The following GNL3L variants were observed in gnomAD, a reference collection of about 807,000 sequenced individuals.
The protein encoded by GNL3L is G protein nucleolar 3 like, also known as guanine nucleotide-binding protein-like 3-like protein.
GNL3L carries 4 observed loss-of-function variants against 42.9 expected under a neutral mutation model. The observed-to-expected ratio is 0.09, with a 90% confidence interval of 0.05 to 0.21. The LOEUF is 0.21. GNL3L is among the 10% of genes least tolerant of loss of function. The pLI is 1.00. For missense variants in GNL3L, 412 were observed against 481.7 expected, an observed-to-expected ratio of 0.86 and a Z score of 1.36; for synonymous variants, 159 against 176.3, an observed-to-expected ratio of 0.90 and a Z score of 0.78.
At chrX:54,552,090 G>T (rs1924959895) in intron 12 of GNL3L, 116 bp downstream of exon 12, 1 of 909,956 alleles carries the variant, frequency 1.1e-6, no homozygotes, top group Admixed American at 2.8e-5. Context: ...TGGGGCAGAG[G>T]ATGGCCAAGG....
At chrX:54,629,764 A>G in the GNL3L span, among the ~76,000 whole-genome samples, 3 of 111,344 alleles carry the variant, frequency 2.7e-5, no homozygotes, top group Non-Finnish European at 5.7e-5. Context: ...TTAGGGTGAT[A>G]CTGGCTTCAT....
At chrX:54,605,319 A>T in intron 16 of GNL3L, among the ~76,000 whole-genome samples, 1 of 111,929 alleles carries the variant, frequency 8.9e-6, no homozygotes, top group South Asian at 3.8e-4. Context: ...AGCCATTCCT[A>T]ATCTCTGTCC....
rs764723564 is a variant in GNL3L, at chrX:54,605,531, C to T, written c.*46-15314C>T. 3.6e-5 allele frequency among the ~76,000 whole-genome samples: 4 copies of T among 111,670 alleles called. No homozygotes were observed. In the East Asian group the frequency reaches 1.1e-3, roughly 31 times the overall value. Reference sequence around the variant, plus strand: ...GCCCCATTACAGCTCCGGTCTCAATCTTGGTGCTGTACTGGATAACTGTGC... The same window carrying T: ...GCCCCATTACAGCTCCGGTCTCAATTTTGGTGCTGTACTGGATAACTGTGC... On this transcript the variant is annotated intron_variant, in intron 16 of 16. Transcript: ENST00000674498.
chrX:54,641,201 C>A, the GNL3L span, among the ~76,000 whole-genome samples: 2 of 111,152 alleles, frequency 1.8e-5, no homozygotes, highest in Admixed American at 1.9e-4. Context: ...TTGCCTTTTA[C>A]CTTTTACTAT....
At position 54,550,989 on chromosome X, in the gene GNL3L, C is replaced by A; in HGVS notation, c.802C>A (p.Leu268Met). 1 of 1,162,590 alleles carries A rather than the reference C, an allele frequency of 8.6e-7. No homozygotes were observed. The highest frequency in any genetic ancestry group is 1.2e-6 in the Non-Finnish European group (1 of 850,600). The change falls in exon 10 of 16, where the codon CTG (leucine) becomes ATG (methionine). Residue 268 changes from leucine (L) to methionine (M), a missense_variant. Physicochemically the swap from Leu to Met is conservative, Grantham distance 15. Transcript: ENST00000360845. ...VGLPNVGKSS[L>M]INSLKRSRAC... ...TCTTCCCAATGTTGGGAAGAGCAGCCTGATCAATAGCCTGAAGCGCAGCCG... is the reference window on the plus strand; with the variant it reads ...TCTTCCCAATGTTGGGAAGAGCAGCATGATCAATAGCCTGAAGCGCAGCCG...
the GNL3L span, among the ~76,000 whole-genome samples, chrX:54,644,149 T>C: frequency 8.0e-5 from 9 of 111,842 alleles, no homozygotes; most frequent in Non-Finnish European, 1.1e-4. Context: ...GATTGCTGGA[T>C]AATATGGCAG....
chrX:54,551,048 C>T lies in GNL3L; in HGVS notation c.861C>T (p.Thr287=), dbSNP rs1376094229. The T allele has an allele frequency of 9.8e-7, 1 of 1,024,138 alleles. No homozygotes were observed. The highest frequency in any genetic ancestry group is 1.9e-5 in the South Asian group (1 of 52,909). 84.4% of individuals were successfully genotyped at this position (1,024,138 alleles called of 1,213,427 possible). A position where few individuals can be genotyped will look rare whatever the true frequency, so the allele number is the denominator to read the frequency against. ...GCGTGGGAGCTGTTCCTGGAATTAC[C>T]AAGTAAGCACCTGCCTGCTCCTCCA... ...ACSVGAVPGI[T]KFMQEVYLDK... Residue 287 remains threonine, a splice_region_variant and synonymous_variant, in exon 10 of 16, where the codon ACC becomes ACT. Coordinates refer to ENST00000360845, the MANE Select transcript of GNL3L (RefSeq NM_001184819.2).
At chrX:54,543,488 C>G in intron 7 of GNL3L, 146 bp downstream of exon 7, 1 of 581,567 alleles carries the variant, frequency 1.7e-6, no homozygotes, top group Non-Finnish European at 2.7e-6. Flanking sequence ...TTTTCAAAGC[C>G]TGTATCACAG....
downstream of GNL3L, among the ~76,000 whole-genome samples, chrX:54,568,747 G>T (rs1039910478): frequency 9.0e-6 from 1 of 111,428 alleles, no homozygotes; most frequent in Admixed American, 9.5e-5. Context: ...TAGAGATGGG[G>T]TTTCACCGTG....
At chrX:54,538,986 C>A in intron 2 of GNL3L, 54 bp from the exon 3 acceptor site, 1 of 748,863 alleles carries the variant, frequency 1.3e-6, no homozygotes. Flanking sequence ...CAGATGTCAA[C>A]AAATATCGTG....
intron 16 of GNL3L, among the ~76,000 whole-genome samples, chrX:54,584,689 T>A (rs1285731828): frequency 8.8e-6 from 1 of 113,170 alleles, no homozygotes; most frequent in East Asian, 2.8e-4. Flanking sequence ...GAATTTCCTT[T>A]GAATGTATAC....
intron 1 of GNL3L, among the ~76,000 whole-genome samples, chrX:54,531,126 C>T (rs1924232363): frequency 8.9e-6 from 1 of 111,931 alleles, no homozygotes; most frequent in Non-Finnish European, 1.9e-5. Context: ...TGCTTCGAAG[C>T]AAACAGGAAC....
intron 16 of GNL3L, among the ~76,000 whole-genome samples, chrX:54,607,772 A>G (rs1926115558): frequency 8.9e-6 from 1 of 112,268 alleles, no homozygotes; most frequent in East Asian, 2.8e-4. Context: ...GCTCTAGAGG[A>G]TCTCACATAT....
chrX:54,551,351 G>T (rs1924930313), intron 10 of GNL3L, among the ~76,000 whole-genome samples: 1 of 111,924 alleles, frequency 8.9e-6, no homozygotes, highest in Non-Finnish European at 1.9e-5. Context: ...GCTTGCCCAA[G>T]ATCCTGCAGC....
rs1269370295 is a variant in GNL3L, at chrX:54,607,079, TTTC to T, written c.*46-13760_*46-13758del. On this transcript the variant is annotated intron_variant, in intron 16 of 16. Coordinates refer to the GNL3L transcript ENST00000674498. ...TTCTTTCTTTCTTTCTTTCTCTTTC[TTTC>T]TTCTTTCTTTCTTTCTTTCTTTCTT... Among the ~76,000 whole-genome samples the T allele has an allele frequency of 7.0e-3, 274 of 39,263 alleles. 9 individuals are homozygous for T. The highest frequency in any genetic ancestry group is 0.018 in the African/African-American group (129 of 7,254). 34.1% of individuals were successfully genotyped at this position (39,263 alleles called of 115,157 possible).
intron 2 of GNL3L, among the ~76,000 whole-genome samples, chrX:54,533,216 A>G (rs1044017274): frequency 9.1e-6 from 1 of 109,932 alleles, no homozygotes; most frequent in Non-Finnish European, 1.9e-5. Context: ...TTGGTACCAT[A>G]AGTTGTACTA....
At chrX:54,591,329 G>C (rs1444070747) in intron 16 of GNL3L, among the ~76,000 whole-genome samples, 1 of 109,997 alleles carries the variant, frequency 9.1e-6, no homozygotes, top group Non-Finnish European at 1.9e-5. Flanking sequence ...GCAGTGGCTC[G>C]CTCCTGTAAT....
chrX:54,552,034 C>T, intron 12 of GNL3L, 60 bp downstream of exon 12: 1 of 1,121,958 alleles, frequency 8.9e-7, no homozygotes, highest in Non-Finnish European at 1.2e-6. Context: ...CCCAAAGGGG[C>T]TCATCTGTGC....
chrX:54,552,037 A>G, intron 12 of GNL3L, 63 bp downstream of exon 12: 2 of 1,130,370 alleles, frequency 1.8e-6, no homozygotes, highest in South Asian at 3.9e-5. Flanking sequence ...AAAGGGGCTC[A>G]TCTGTGCTCA....
Sources: allele counts gnomAD v4.1 joint callset (sites outside exome capture counted in the v4.1 genomes callset), GRCh38; gene constraint gnomAD v4.1.1; transcripts MANE v1.5; gene names NCBI Gene and HGNC (gene_info 2026-07-23, HGNC 2026-07-21).